The following SMIM20 variants were observed in gnomAD, a reference collection of about 807,000 sequenced individuals.
SMIM20 encodes small integral membrane protein 20.
A neutral mutation model predicts 8.7 loss-of-function variants in SMIM20; 3 were observed. The ratio of observed to expected loss-of-function variants is 0.34; its 90% CI spans 0.16 to 0.89. The LOEUF (loss-of-function observed/expected upper bound fraction) is 0.89. Ranked by LOEUF, SMIM20 falls within the 40% of genes least tolerant of loss-of-function variation. The pLI, the probability that SMIM20 is intolerant of heterozygous loss-of-function variation, is 0.49. For missense variants in SMIM20, 85 were observed against 84.8 expected (o/e 1.00, Z -0.01); for synonymous variants, 44 against 33.6 (o/e 1.31, Z -1.07).
intron 1 of SMIM20, among the ~76,000 whole-genome samples, chr4:25,924,518 C>T (rs1040246803): frequency 2.0e-5 from 3 of 152,054 alleles, no homozygotes; most frequent in African/African-American, 7.2e-5. Flanking sequence ...ACAAAAGATC[C>T]AAGAACAGTG....
chr4:25,928,618 A>G (rs1272793199), intron 2 of SMIM20, among the ~76,000 whole-genome samples: 2 of 152,238 alleles, frequency 1.3e-5, no homozygotes, highest in African/African-American at 2.4e-5. Flanking sequence ...ATAAGTGGGC[A>G]TAAAAATGTT....
intron 1 of SMIM20, among the ~76,000 whole-genome samples, chr4:25,922,292 A>G (rs1719214566): frequency 6.6e-6 from 1 of 152,154 alleles, no homozygotes; most frequent in Non-Finnish European, 1.5e-5. Flanking sequence ...GTGGGAGGTG[A>G]CATGAGATCC....
In SMIM20 at chr4:25,916,633, G is replaced by A. The variant is rs183028377; in HGVS notation, c.109+2211G>A. Among the ~76,000 whole-genome samples, 61 of 152,252 alleles carry A rather than the reference G, an allele frequency of 4.0e-4. 1 individual carries two copies. The highest frequency in any genetic ancestry group is 1.4e-3 in the African/African-American group (59 of 41,542). On this transcript the variant is annotated intron_variant, in intron 1 of 2. Coordinates refer to ENST00000506197, the MANE Select transcript of SMIM20 (RefSeq NM_001145432.3). ...TGCAGTGGCATGATCTCGGCTCACC[G>A]CAACCTCTGCCTCCCAGGTTCAAGT...
rs28621011 is a variant in SMIM20, at chr4:25,916,305, G to A, written c.109+1883G>A. 6.4e-3 allele frequency among the ~76,000 whole-genome samples: 968 copies of A among 151,680 alleles called. 10 individuals are homozygous for A. The highest frequency in any genetic ancestry group is 0.023 in the African/African-American group (932 of 41,302). On this transcript the variant is annotated intron_variant, in intron 1 of 2. Transcript: ENST00000506197. The stretch of plus-strand genomic sequence containing the variant: ...GGCGCACTGCAGTCTCCATCTCCCA[G>A]GTTCAAGCAATTCTCCTGCTTCAGC...
chr4:25,921,274 C>T (rs1719197909), intron 1 of SMIM20, among the ~76,000 whole-genome samples: 2 of 152,232 alleles, frequency 1.3e-5, no homozygotes, highest in South Asian at 4.1e-4. Context: ...TGGCTCAAAC[C>T]TGTAATCCCA....
At chr4:25,918,159 G>A (rs1719129071) in intron 1 of SMIM20, among the ~76,000 whole-genome samples, 1 of 151,952 alleles carries the variant, frequency 6.6e-6, no homozygotes, top group Admixed American at 6.5e-5. Flanking sequence ...AGCCAGGATG[G>A]TCTCGACCTC....
At chr4:25,916,400 C>T (rs1419306943) in intron 1 of SMIM20, among the ~76,000 whole-genome samples, 1 of 151,958 alleles carries the variant, frequency 6.6e-6, no homozygotes, top group Non-Finnish European at 1.5e-5. Context: ...TTAGTAGAGA[C>T]AGGGTTTCAC....
chr4:25,928,513 A>G (rs924526100), intron 2 of SMIM20, 144 bp downstream of exon 2: 1 of 810,224 alleles, frequency 1.2e-6, no homozygotes, highest in Non-Finnish European at 1.8e-6. Context: ...TTATTTCTCA[A>G]CAGTTGCCAT....
At chr4:25,915,429 AG>A (rs1277695738) in intron 1 of SMIM20, among the ~76,000 whole-genome samples, 1 of 152,224 alleles carries the variant, frequency 6.6e-6, no homozygotes, top group Admixed American at 6.5e-5. Flanking sequence ...GGACACTGAA[AG>A]CTTGGCGAAT....
intron 1 of SMIM20, among the ~76,000 whole-genome samples, chr4:25,923,495 A>G (rs1344802296): frequency 1.3e-5 from 2 of 152,176 alleles, no homozygotes; most frequent in African/African-American, 4.8e-5. Context: ...GTTACTCAGC[A>G]CATTAGTTGC....
chr4:25,918,241 C>T (rs1719131115), intron 1 of SMIM20, among the ~76,000 whole-genome samples: 1 of 151,572 alleles, frequency 6.6e-6, no homozygotes. Context: ...CGCGCCTGGC[C>T]CAGGTCAGTT....
At chr4:25,920,354 A>G (rs1282603504) in intron 1 of SMIM20, among the ~76,000 whole-genome samples, 1 of 152,180 alleles carries the variant, frequency 6.6e-6, no homozygotes, top group Non-Finnish European at 1.5e-5. Context: ...AGGCTAATAT[A>G]TATGTTGTAT....
chr4:25,918,889 CTTTTTTT>C (rs775952783), intron 1 of SMIM20, among the ~76,000 whole-genome samples: 61 of 91,690 alleles, frequency 6.7e-4, no homozygotes, highest in African/African-American at 2.1e-3. Context: ...ATGTGAATAT[CTTTTTTT>C]TTTTTTTTTT....
chr4:25,917,544 G>A (rs115042251), intron 1 of SMIM20, among the ~76,000 whole-genome samples: 244 of 152,240 alleles, frequency 1.6e-3, no homozygotes, highest in African/African-American at 5.5e-3. Context: ...CTGTGTGGTC[G>A]GATCTTCAGC....
chr4:25,922,766 G>A (rs1381562567), intron 1 of SMIM20, among the ~76,000 whole-genome samples: 1 of 152,206 alleles, frequency 6.6e-6, no homozygotes, highest in Non-Finnish European at 1.5e-5. Flanking sequence ...CTGGCAACTG[G>A]CAAGGCAGTC....
At chr4:25,917,158 T>C (rs1046802785) in intron 1 of SMIM20, among the ~76,000 whole-genome samples, 3 of 151,942 alleles carry the variant, frequency 2.0e-5, no homozygotes, top group Non-Finnish European at 4.4e-5. Flanking sequence ...CCTTAATCCC[T>C]AAACCAAGAC....
At chr4:25,914,545 T>A in intron 1 of SMIM20, 123 bp downstream of exon 1, 2 of 947,822 alleles carry the variant, frequency 2.1e-6, no homozygotes, top group Non-Finnish European at 2.9e-6. Context: ...CGGGTTCGAA[T>A]CCTGCCATGT....
chr4:25,922,759 G>A (rs73102011), intron 1 of SMIM20, among the ~76,000 whole-genome samples: 13,334 of 152,224 alleles, frequency 0.088, 1,908 homozygotes, highest in African/African-American at 0.3. Context: ...CTTAGGGCTG[G>A]CAACTGGCAA....
chr4:25,922,551 A>T (rs1345970949), intron 1 of SMIM20, among the ~76,000 whole-genome samples: 1 of 152,160 alleles, frequency 6.6e-6, no homozygotes, highest in Non-Finnish European at 1.5e-5. Context: ...CCACCGTGGA[A>T]GGTCCTCCTG....
Sources: allele counts gnomAD v4.1 joint callset (sites outside exome capture counted in the v4.1 genomes callset), GRCh38; gene constraint gnomAD v4.1.1; transcripts MANE v1.5; gene names NCBI Gene and HGNC (gene_info 2026-07-23, HGNC 2026-07-21).